MGRN1: variants seen among roughly 807,000 people sequenced by gnomAD.
MGRN1 encodes the protein mahogunin ring finger 1, also known as E3 ubiquitin-protein ligase MGRN1.
A neutral mutation model predicts 69.2 loss-of-function variants in MGRN1; 29 were observed. That is an observed-to-expected ratio of 0.42 (90% CI 0.31 to 0.57). The LOEUF (loss-of-function observed/expected upper bound fraction) is 0.57. MGRN1 is among the 20% of genes least tolerant of loss of function. The probability of loss-of-function intolerance (pLI) is 0.15; values close to 1 mark genes in which losing one functional copy is unlikely to be tolerated. For synonymous variants in MGRN1, 470 were observed against 344.2 expected, an observed-to-expected ratio of 1.37 and a Z score of -4.04; for missense variants, 998 against 796.2, an observed-to-expected ratio of 1.25 and a Z score of -3.05.
At chr16:4,656,457 T>C (rs544900545) in intron 4 of MGRN1, among the ~76,000 whole-genome samples, 2 of 152,302 alleles carry the variant, frequency 1.3e-5, no homozygotes, top group South Asian at 2.1e-4. Flanking sequence ...GTGGGCACCA[T>C]TGTGCCTCCG....
At chr16:4,656,886 T>A (rs542690916) in intron 4 of MGRN1, among the ~76,000 whole-genome samples, 1 of 1,398 alleles carries the variant, frequency 7.2e-4, no homozygotes, top group African/African-American at 1.6e-3. Context: ...ATCTCAAAAA[T>A]AAATAAATAA....
chr16:4,657,094 A>G, intron 4 of MGRN1, 152 bp from the exon 5 acceptor site: 1 of 702,194 alleles, frequency 1.4e-6, no homozygotes, highest in Non-Finnish European at 2.4e-6. Flanking sequence ...GGTGAGGGCC[A>G]CGTGGCCATG....
At chr16:4,684,038 G>A (rs1458920323) in intron 16 of MGRN1, 106 bp downstream of exon 16, 17 of 999,280 alleles carry the variant, frequency 1.7e-5, no homozygotes, top group African/African-American at 3.2e-5. Context: ...GCTGTCCATT[G>A]GAGCCTGGTT....
At chr16:4,649,510 A>G (rs1014274848) in intron 1 of MGRN1, 1 of 152,136 alleles carries the variant, frequency 6.6e-6, no homozygotes. Flanking sequence ...CATCACTGCA[A>G]TCTCTTGCCT....
intron 10 of MGRN1, among the ~76,000 whole-genome samples, chr16:4,676,005 G>A (rs1596310706): frequency 6.6e-6 from 1 of 152,214 alleles, no homozygotes; most frequent in South Asian, 2.1e-4. Context: ...TGGGGCCGGA[G>A]CATAGTTGGG....
intron 2 of MGRN1, chr16:4,651,225 A>G (rs1328944999): frequency 2.6e-5 from 4 of 152,334 alleles, no homozygotes; most frequent in African/African-American, 9.6e-5. Context: ...AGAAGGGCAC[A>G]TTCGAGTACT....
chr16:4,677,491 G>A lies in MGRN1; in HGVS notation c.984G>A (p.Ala328=), dbSNP rs369166443. The change falls in exon 11 of 17, where the codon GCG becomes GCA. Residue 328 remains alanine (A), a synonymous_variant. Transcript: ENST00000262370. The part of the protein sequence containing the change: ...LPFRALLQIR[A]VRKKPGALSP... Reference sequence around the variant, plus strand: ...TCCGGGCCCTCCTGCAGATCCGGGCGGTGCGGAAGAAGCCAGGAGCCCTGT... The same window carrying A: ...TCCGGGCCCTCCTGCAGATCCGGGCAGTGCGGAAGAAGCCAGGAGCCCTGT... 2.5e-5 allele frequency: 39 copies of A among 1,586,532 alleles called. No homozygotes were observed. The highest frequency in any genetic ancestry group is 1.4e-4 in the South Asian group (13 of 89,984).
intron 1 of MGRN1, chr16:4,640,250 C>T (rs1596265633): frequency 1.3e-5 from 2 of 152,534 alleles, no homozygotes; most frequent in African/African-American, 4.8e-5. Context: ...GTCCCCCTCC[C>T]CTGGCCATCC....
intron 1 of MGRN1, among the ~76,000 whole-genome samples, chr16:4,646,507 C>T (rs1029607536): frequency 1.3e-5 from 2 of 152,068 alleles, no homozygotes; most frequent in East Asian, 1.9e-4. Flanking sequence ...CTCACAGGCC[C>T]GGCATGCCGG....
In MGRN1 at chr16:4,652,833, C is replaced by T. The variant is rs781187348; in HGVS notation, c.443+9C>T. On this transcript the variant is annotated intron_variant, in intron 4 of 16. Coordinates refer to ENST00000262370, the MANE Select transcript of MGRN1 (RefSeq NM_015246.4). ...CTGAACGGCAGGGCAGTGTGAGTCC[C>T]GCGGGCGGCTGGCACCGGCCTGGCT... 6.3e-6 allele frequency: 10 copies of T among 1,588,622 alleles called. No homozygotes were observed. Among genetic ancestry groups the T allele is most frequent in the South Asian group, 4.5e-5 (4 of 88,250 alleles).
At chr16:4,627,353 C>T (rs528320241) in intron 1 of MGRN1, among the ~76,000 whole-genome samples, 68 of 152,330 alleles carry the variant, frequency 4.5e-4, no homozygotes, top group African/African-American at 1.5e-3. Context: ...TCTGCAGCAG[C>T]GCTCAGCTTG....
intron 1 of MGRN1, among the ~76,000 whole-genome samples, chr16:4,641,202 T>A (rs1053229022): frequency 6.6e-6 from 1 of 152,200 alleles, no homozygotes; most frequent in African/African-American, 2.4e-5. Flanking sequence ...TGTGTGTCAT[T>A]CTTCTTGAGG....
At chr16:4,633,694 A>G (rs964348315) in intron 1 of MGRN1, 5 of 151,302 alleles carry the variant, frequency 3.3e-5, no homozygotes, top group African/African-American at 1.2e-4. Flanking sequence ...TCTGTCTCAA[A>G]AAATATATCT....
At chr16:4,650,806 G>C (rs963323374) in intron 2 of MGRN1, 3 of 223,602 alleles carry the variant, frequency 1.3e-5, no homozygotes, top group Non-Finnish European at 2.6e-5. Context: ...TTCTTTACAA[G>C]GCAAAAATAG....
At chr16:4,679,177 T>G (rs899346420) in intron 11 of MGRN1, among the ~76,000 whole-genome samples, 1 of 152,316 alleles carries the variant, frequency 6.6e-6, no homozygotes, top group Middle Eastern at 3.4e-3. Context: ...AAGCAGCCCC[T>G]GAGGGATTTG....
At chr16:4,668,693 C>T (rs530184639) in intron 8 of MGRN1, among the ~76,000 whole-genome samples, 2 of 150,752 alleles carry the variant, frequency 1.3e-5, no homozygotes, top group East Asian at 3.9e-4. Context: ...CACTCGTACA[C>T]ATACACACAT....
At position 4,690,342 on chromosome 16, in the gene MGRN1, T is replaced by G. The variant is rs997806000; in HGVS notation, c.*1434T>G. ...GCCAGGCAGGTGTCTGCTGCTCACC[T>G]GGCTCTGGAGGGCTGCCCTGCAGCT... On this transcript the variant is annotated 3_prime_UTR_variant, in exon 17 of 17. Transcript: ENST00000262370. 3.3e-5 allele frequency: 5 copies of G among 152,116 alleles called. No individual in the cohort carries two copies. The highest frequency in any genetic ancestry group is 1.2e-4 in the African/African-American group (5 of 41,408). The allele number at this position is 152,116 out of a possible 1,614,324, so 9.4% of individuals were successfully genotyped here. A position where few individuals can be genotyped will look rare whatever the true frequency, so the allele number is the denominator to read the frequency against.
chr16:4,671,447 C>G lies in MGRN1; in HGVS notation c.783C>G (p.Asn261Lys), dbSNP rs547131374. 6.2e-7 allele frequency: 1 copy of G among 1,614,046 alleles called. No individual in the cohort carries two copies. Among genetic ancestry groups the G allele is most frequent in the Admixed American group, 1.7e-5 (1 of 60,010 alleles). ...QEIYGIENKN[N>K]QETKPSDDEN... Reference sequence around the variant, plus strand: ...TCTATGGCATTGAGAACAAGAACAACCAGGAGACCAAGGTGTGTATCTGGG... The same window carrying G: ...TCTATGGCATTGAGAACAAGAACAAGCAGGAGACCAAGGTGTGTATCTGGG... The change falls in exon 9 of 17, where the codon AAC (asparagine) becomes AAG (lysine). Residue 261 changes from asparagine to lysine, a missense_variant. Asn to Lys is a moderately conservative substitution (Grantham distance 94). Transcript: ENST00000262370.
At chr16:4,660,813 C>G (rs150168571) in intron 5 of MGRN1, among the ~76,000 whole-genome samples, 1 of 152,174 alleles carries the variant, frequency 6.6e-6, no homozygotes, top group African/African-American at 2.4e-5. Context: ...CACAAGGGGC[C>G]TACAGTCCCA....
Sources: allele counts gnomAD v4.1 joint callset (sites outside exome capture counted in the v4.1 genomes callset), GRCh38; gene constraint gnomAD v4.1.1; transcripts MANE v1.5; gene names NCBI Gene and HGNC (gene_info 2026-07-23, HGNC 2026-07-21).